CFAP61: variants seen among roughly 807,000 people sequenced by gnomAD.
The protein encoded by CFAP61 is cilia and flagella associated protein 61, also known as cilia- and flagella-associated protein 61.
In CFAP61, 107 loss-of-function variants were observed where a neutral mutation model predicts 135.6. That is an observed-to-expected ratio of 0.79 (90% CI 0.67 to 0.93). The LOEUF (loss-of-function observed/expected upper bound fraction) is 0.93. CFAP61 is among the 40% of genes least tolerant of loss of function. The pLI, the probability that CFAP61 is intolerant of heterozygous loss-of-function variation, is 0.00. For missense variants in CFAP61, 1,507 were observed against 1,556.2 expected (o/e 0.97, Z 0.53); for synonymous variants, 575 against 578.5 (o/e 0.99, Z 0.09).
intron 2 of CFAP61, among the ~76,000 whole-genome samples, chr20:20,061,606 T>C (rs1463771767): frequency 6.6e-6 from 1 of 152,212 alleles, no homozygotes; most frequent in Non-Finnish European, 1.5e-5. Context: ...AAACTGTTGT[T>C]GGGAGAGCTA....
intron 17 of CFAP61, among the ~76,000 whole-genome samples, chr20:20,218,776 A>G (rs990666379): frequency 6.6e-6 from 1 of 152,214 alleles, no homozygotes. Flanking sequence ...CTTGATATGT[A>G]TCTGTCAAAT....
At position 20,337,314 on chromosome 20, in the gene CFAP61, A is replaced by G. The variant is rs13042467; in HGVS notation, c.3423-4517A>G. On this transcript the variant is annotated intron_variant, in intron 25 of 26. Transcript: ENST00000245957. ...GATAGATGGATGGATGGATGGATGG[A>G]TGGATGGATGGATGGATGGATGGAT... 0.013 allele frequency among the ~76,000 whole-genome samples: 286 copies of G among 22,568 alleles called. 32 individuals carry two copies. The Middle Eastern group carries it at 0.21, about 17-fold the overall frequency. The allele number at this position is 22,568 out of a possible 152,430, so 14.8% of individuals were successfully genotyped here.
rs752866655 is a variant in CFAP61, at chr20:20,196,597, A to G, written c.1618A>G (p.Asn540Asp). Residue 540 changes from asparagine (N) to aspartate (D), a missense_variant, in exon 16 of 27, where the codon AAC (asparagine) becomes GAC (aspartate). Transcript: ENST00000245957. ...CATTGAGTACATACGGTCCCATTACAACATTGAAGATTTCATCTACTTCAG... is the reference window on the plus strand; with the variant it reads ...CATTGAGTACATACGGTCCCATTACGACATTGAAGATTTCATCTACTTCAG... ...MDIEYIRSHY[N>D]IEDFIYFSHH... 1.2e-6 allele frequency: 2 copies of G among 1,614,076 alleles called. No individual in the cohort carries two copies. Among genetic ancestry groups the G allele is most frequent in the South Asian group, 1.1e-5 (1 of 91,084 alleles).
At chr20:20,128,982 GTTGTTATAACTATTATTATAA>G (rs1162126921) in intron 8 of CFAP61, among the ~76,000 whole-genome samples, 25 of 151,264 alleles carry the variant, frequency 1.7e-4, no homozygotes, top group Non-Finnish European at 2.6e-4. Flanking sequence ...CTCTTAACAA[GTTGTTATAACTATTATTATAA>G]TTGTTATAAC....
chr20:20,246,054 A>C, intron 18 of CFAP61, 63 bp from the exon 19 acceptor site: 1 of 999,754 alleles, frequency 1.0e-6, no homozygotes, highest in Non-Finnish European at 1.6e-6. Flanking sequence ...AAATTGAATT[A>C]TGATAAACTT....
At chr20:20,206,777 T>TG (rs1267676293) in intron 17 of CFAP61, among the ~76,000 whole-genome samples, 2 of 152,042 alleles carry the variant, frequency 1.3e-5, no homozygotes, top group African/African-American at 2.4e-5. Flanking sequence ...TGTTTTCATT[T>TG]GGGGGGCGGT....
intron 8 of CFAP61, among the ~76,000 whole-genome samples, chr20:20,130,679 AC>A (rs2050453168): frequency 6.6e-6 from 1 of 151,680 alleles, no homozygotes; most frequent in Non-Finnish European, 1.5e-5. Flanking sequence ...TCAGAGTGCC[AC>A]CCATCCTGAA....
chr20:20,229,697 G>A (rs1377867026), intron 18 of CFAP61, among the ~76,000 whole-genome samples: 2 of 152,200 alleles, frequency 1.3e-5, no homozygotes, highest in Non-Finnish European at 2.9e-5. Flanking sequence ...GATAAAAAAA[G>A]AATTGATTTT....
At chr20:20,054,615 A>G (rs1600291810) in intron 1 of CFAP61, among the ~76,000 whole-genome samples, 1 of 152,238 alleles carries the variant, frequency 6.6e-6, no homozygotes, top group Non-Finnish European at 1.5e-5. Flanking sequence ...TTACTGTGCT[A>G]CAATGGCAGA....
intron 21 of CFAP61, among the ~76,000 whole-genome samples, chr20:20,266,661 G>T (rs1273759714): frequency 1.3e-5 from 2 of 152,164 alleles, no homozygotes; most frequent in Admixed American, 6.5e-5. Context: ...CCTTAGTAAT[G>T]AGAGTAATAA....
In CFAP61 at chr20:20,263,051, C is replaced by A; in HGVS notation, c.2424C>A (p.Cys808Ter). Residue 808 changes from cysteine (C) to a stop codon, truncating the protein, a stop_gained, in exon 21 of 27, where the codon TGC (cysteine) becomes TGA (stop). Transcript: ENST00000245957. LOFTEE classifies it high-confidence loss of function. ...GGCGGTACACGGGGAAAGTTCCTTG[C>A]AACCATTTCACTCTCAACGAGGAAG... ...SQRRYTGKVP[C>*]NHFTLNEEED... 1 of 1,614,018 alleles carries A rather than the reference C, an allele frequency of 6.2e-7. No homozygotes were observed. The highest frequency in any genetic ancestry group is 8.5e-7 in the Non-Finnish European group (1 of 1,179,902).
chr20:20,140,380 T>TC (rs1416699654), intron 8 of CFAP61, among the ~76,000 whole-genome samples: 20 of 143,286 alleles, frequency 1.4e-4, no homozygotes, highest in Admixed American at 6.3e-4. Context: ...AGTGTGATGT[T>TC]CCCCTTCCTG....
chr20:20,104,987 C>T (rs191102360), intron 8 of CFAP61, among the ~76,000 whole-genome samples: 74 of 152,252 alleles, frequency 4.9e-4, no homozygotes, highest in African/African-American at 1.6e-3. Flanking sequence ...TTCTGAGGTA[C>T]TAGGGGTTAA....
chr20:20,064,882 G>A (rs961996931), intron 2 of CFAP61, among the ~76,000 whole-genome samples: 11 of 152,114 alleles, frequency 7.2e-5, no homozygotes, highest in African/African-American at 2.4e-4. Flanking sequence ...AAGGTTCAGG[G>A]TAATCTGAAG....
At chr20:20,199,352 A>G (rs946152927) in intron 16 of CFAP61, among the ~76,000 whole-genome samples, 3 of 152,268 alleles carry the variant, frequency 2.0e-5, no homozygotes, top group African/African-American at 7.2e-5. Flanking sequence ...CTTGGATGAC[A>G]TTTTTATCTA....
At chr20:20,328,951 T>G (rs898444543) in intron 25 of CFAP61, among the ~76,000 whole-genome samples, 3 of 152,180 alleles carry the variant, frequency 2.0e-5, no homozygotes, top group Non-Finnish European at 4.4e-5. Flanking sequence ...CTCAACTCCT[T>G]CTTATCAAGA....
Position 20,188,004 on chromosome 20 carries a change from A to G in CFAP61, c.1460A>G (p.Asn487Ser). 1 of 1,614,124 alleles carries G rather than the reference A, an allele frequency of 6.2e-7. No individual in the cohort carries two copies. Among genetic ancestry groups the G allele is most frequent in the East Asian group, 2.2e-5 (1 of 44,884 alleles). ...AATCTTGTCAGCACCCTCATGTTGA[A>G]TAAAAGCATATTGGAGGACTTAGAC... ...VENLVSTLMLNKSILEDLDRY... is the reference protein window; with the variant it reads ...VENLVSTLMLSKSILEDLDRY... The change falls in exon 14 of 27, where the codon AAT (asparagine) becomes AGT (serine). Residue 487 changes from asparagine (N) to serine (S), a missense_variant. Transcript: ENST00000245957.
At chr20:20,279,727 G>C (rs189621383) in intron 22 of CFAP61, among the ~76,000 whole-genome samples, 1 of 152,132 alleles carries the variant, frequency 6.6e-6, no homozygotes, top group African/African-American at 2.4e-5. Flanking sequence ...TCCTAACACC[G>C]TCTGAGTCAG....
intron 25 of CFAP61, among the ~76,000 whole-genome samples, chr20:20,320,360 T>C (rs2057389773): frequency 3.1e-5 from 1 of 32,010 alleles, no homozygotes; most frequent in Non-Finnish European, 6.4e-5. Flanking sequence ...ATATATAATA[T>C]ATGTAATATA....
Sources: gnomAD v4.1 joint callset for allele counts (sites outside exome capture counted in the v4.1 genomes callset) on GRCh38, gnomAD v4.1.1 for gene constraint, MANE v1.5 for transcripts, NCBI Gene and HGNC (gene_info 2026-07-23, HGNC 2026-07-21) for gene names.